Variants in ANO4 observed in about 807,000 individuals in gnomAD.
The protein encoded by ANO4 is anoctamin-4.
In ANO4, 69 loss-of-function variants were observed where a neutral mutation model predicts 141.9. The ratio of observed to expected loss-of-function variants is 0.49; its 90% CI spans 0.40 to 0.59. ANO4 has a LOEUF of 0.59. Among genes scored for constraint, ANO4 ranks in the 20% least tolerant of loss-of-function variants. The probability of loss-of-function intolerance (pLI) is 0.00; values close to 1 mark genes in which losing one functional copy is unlikely to be tolerated. For missense variants in ANO4, 894 were observed against 1,162.2 expected (o/e 0.77, Z 3.36); for synonymous variants, 350 against 394.3 (o/e 0.89, Z 1.33).
chr12:101,117,799 G>T (rs537374081), intron 25 of ANO4, among the ~76,000 whole-genome samples: 2 of 152,318 alleles, frequency 1.3e-5, no homozygotes, highest in South Asian at 2.1e-4. Context: ...TGGAGTCCTA[G>T]ATGCTTTGAC....
intron 9 of ANO4, among the ~76,000 whole-genome samples, chr12:101,025,078 G>C (rs2136518476): frequency 6.6e-6 from 1 of 152,264 alleles, no homozygotes; most frequent in East Asian, 1.9e-4. Flanking sequence ...ATCTTGATCT[G>C]AAAGGAGCTT....
chr12:100,858,964 T>C (rs1295632947), intron 1 of ANO4: 1 of 152,178 alleles, frequency 6.6e-6, no homozygotes, highest in Admixed American at 6.5e-5. Context: ...TGTATCTGGA[T>C]TTTTATCTGC....
At chr12:100,861,728 A>G (rs946782641) in intron 1 of ANO4, among the ~76,000 whole-genome samples, 3 of 152,206 alleles carry the variant, frequency 2.0e-5, no homozygotes, top group African/African-American at 7.2e-5. Flanking sequence ...TATTTAAAAA[A>G]TGTTTTTGAC....
chr12:100,956,161 C>G (rs60364182), intron 5 of ANO4, among the ~76,000 whole-genome samples: 3,344 of 152,268 alleles, frequency 0.022, 106 homozygotes, highest in African/African-American at 0.074. Flanking sequence ...ACAACCAAAT[C>G]CATCACACTG....
rs984331446 is a variant in ANO4, at chr12:100,721,685, G to T, written c.22+4138G>T. ...TAACAGTGACCTTGAGTAAATTTTT[G>T]TTTGTTTGTTTGAGACAATGTCTCA... is the stretch of plus-strand genomic sequence containing the variant. On this transcript the variant is annotated intron_variant, in intron 1 of 29. Coordinates refer to the ANO4 transcript ENST00000644049. Among the ~76,000 whole-genome samples, 285 of 151,840 alleles carry T rather than the reference G, an allele frequency of 1.9e-3. 1 individual carries two copies. Among genetic ancestry groups the T allele is most frequent in the African/African-American group, 6.6e-3 (272 of 41,366 alleles).
chr12:100,797,134 A>G (rs988570508), intron 1 of ANO4, among the ~76,000 whole-genome samples: 19 of 151,108 alleles, frequency 1.3e-4, no homozygotes, highest in African/African-American at 1.9e-4. Context: ...GTGTGTGTAT[A>G]TATATATATA....
chr12:100,935,067 A>G (rs892966715), intron 3 of ANO4, among the ~76,000 whole-genome samples: 8 of 152,136 alleles, frequency 5.3e-5, no homozygotes, highest in African/African-American at 1.9e-4. Context: ...TCATTTCCTA[A>G]TTGAATATCC....
rs1280116544 is a variant in ANO4, at chr12:100,834,440, AC to A, written c.-141+39416del. 2.0e-5 allele frequency among the ~76,000 whole-genome samples: 3 copies of A among 152,234 alleles called. No homozygotes were observed. The East Asian group carries it at 5.8e-4, about 29-fold the overall frequency. ...CACCAAAACGTTCCCTACCATTTTT[AC>A]CCTTCAAACTCTGGAAATTTTCATT... On this transcript the variant is annotated intron_variant, in intron 1 of 27. Transcript: ENST00000392977.
chr12:100,874,916 C>T (rs1316653995), intron 1 of ANO4, among the ~76,000 whole-genome samples: 2 of 152,112 alleles, frequency 1.3e-5, no homozygotes, highest in Admixed American at 1.3e-4. Context: ...TGTATTTCCC[C>T]AATGCCTGTA....
intron 1 of ANO4, among the ~76,000 whole-genome samples, chr12:100,891,285 A>G (rs966752669): frequency 3.9e-5 from 6 of 152,234 alleles, no homozygotes; most frequent in Admixed American, 3.9e-4. Flanking sequence ...GTAAACATTC[A>G]TGCGCAGGTT....
At chr12:101,026,447 G>A (rs190550618) in intron 9 of ANO4, among the ~76,000 whole-genome samples, 29 of 152,280 alleles carry the variant, frequency 1.9e-4, no homozygotes, top group African/African-American at 6.3e-4. Context: ...TAAGAGGTCA[G>A]TCTTAACAAA....
At chr12:101,108,706 A>G (rs1340699729) in intron 22 of ANO4, among the ~76,000 whole-genome samples, 2 of 152,174 alleles carry the variant, frequency 1.3e-5, no homozygotes, top group Non-Finnish European at 2.9e-5. Context: ...CTTTTTGTCC[A>G]TGATGCCCAG....
chr12:100,734,162 A>T (rs1208136847), intron 2 of ANO4, among the ~76,000 whole-genome samples: 1 of 152,214 alleles, frequency 6.6e-6, no homozygotes, highest in African/African-American at 2.4e-5. Context: ...TATGCACTTG[A>T]TAGTACAATC....
At chr12:100,972,602 G>A (rs1429959843) in intron 6 of ANO4, among the ~76,000 whole-genome samples, 1 of 152,042 alleles carries the variant, frequency 6.6e-6, no homozygotes, top group East Asian at 1.9e-4. Context: ...ATCCACTAGG[G>A]AGAGATAAGG....
At chr12:101,118,108 T>C (rs1227301069) in intron 25 of ANO4, among the ~76,000 whole-genome samples, 1 of 152,170 alleles carries the variant, frequency 6.6e-6, no homozygotes, top group Non-Finnish European at 1.5e-5. Flanking sequence ...CTTTCTTCAG[T>C]AGATTTCCCA....
At chr12:101,067,733 A>G (rs1358155344) in intron 14 of ANO4, among the ~76,000 whole-genome samples, 1 of 152,208 alleles carries the variant, frequency 6.6e-6, no homozygotes. Context: ...TTGATTGTTA[A>G]TTCTTGGCTG....
chr12:100,791,107 G>A (rs757836202), upstream of ANO4, among the ~76,000 whole-genome samples: 3 of 152,176 alleles, frequency 2.0e-5, no homozygotes, highest in Admixed American at 6.5e-5. Flanking sequence ...GGCTGGGTGT[G>A]GTGGTTCATG....
chr12:101,101,908 C>T (rs552566816), intron 22 of ANO4, among the ~76,000 whole-genome samples: 7 of 152,134 alleles, frequency 4.6e-5, no homozygotes, highest in Non-Finnish European at 1.0e-4. Context: ...TGTGGTGAAA[C>T]GCCGTCTGTA....
At chr12:101,027,153 G>A (rs1044442151) in intron 9 of ANO4, among the ~76,000 whole-genome samples, 5 of 152,216 alleles carry the variant, frequency 3.3e-5, no homozygotes, top group African/African-American at 1.2e-4. Context: ...CCACTCCCCA[G>A]CCAAGGGAGG....
Sources: allele counts gnomAD v4.1 joint callset (sites outside exome capture counted in the v4.1 genomes callset), GRCh38; gene constraint gnomAD v4.1.1; transcripts MANE v1.5; gene names NCBI Gene and HGNC (gene_info 2026-07-23, HGNC 2026-07-21).